The following AP4S1 variants were observed in gnomAD, a reference collection of about 807,000 sequenced individuals.
AP4S1 encodes the protein adaptor related protein complex 4 subunit sigma 1, also known as AP-4 complex subunit sigma-1.
AP4S1 carries 23 observed loss-of-function variants against 19.8 expected under a neutral mutation model. That is an observed-to-expected ratio of 1.16 (90% CI 0.84 to 1.65). The LOEUF is 1.65. Among genes scored for constraint, AP4S1 ranks in the 40% most tolerant of loss-of-function variants. The pLI, the probability that AP4S1 is intolerant of heterozygous loss-of-function variation, is 0.00. For synonymous variants in AP4S1, 46 were observed against 54.1 expected (o/e 0.85, Z 0.66); for missense variants, 166 against 172.8 (o/e 0.96, Z 0.22).
At chr14:31,058,310 T>C (rs1886236159) in intron 1 of AP4S1, among the ~76,000 whole-genome samples, 1 of 152,170 alleles carries the variant, frequency 6.6e-6, no homozygotes, top group East Asian at 1.9e-4. Context: ...CTTGTTTGAT[T>C]CCTGCTCTAA....
At chr14:31,052,372 A>G (rs1356647588) in intron 1 of AP4S1, among the ~76,000 whole-genome samples, 1 of 152,078 alleles carries the variant, frequency 6.6e-6, no homozygotes, top group East Asian at 1.9e-4. Context: ...ATTTTTATGC[A>G]TATAGATTTT....
intron 1 of AP4S1, among the ~76,000 whole-genome samples, chr14:31,049,283 G>A (rs1275156593): frequency 2.7e-5 from 4 of 150,146 alleles, no homozygotes; most frequent in South Asian, 4.2e-4. Flanking sequence ...GCGTGGTGGC[G>A]GGTGCCTGTA....
At chr14:31,075,841 G>A (rs1887326164) in intron 4 of AP4S1, among the ~76,000 whole-genome samples, 1 of 150,982 alleles carries the variant, frequency 6.6e-6, no homozygotes, top group Admixed American at 6.6e-5. Flanking sequence ...CCAGGTTCAA[G>A]CAATTCTCCT....
In AP4S1 at chr14:31,034,850, C is replaced by T. The variant is rs941728887; in HGVS notation, c.-72+9063C>T. On this transcript the variant is annotated intron_variant, in intron 1 of 5. Transcript: ENST00000542754. ...CCATATTGGCCAGGCTGGTCTCAAACTCCCGACCTCAGGTGATCCACCTGC... is the reference window on the plus strand; with the variant it reads ...CCATATTGGCCAGGCTGGTCTCAAATTCCCGACCTCAGGTGATCCACCTGC... Among the ~76,000 whole-genome samples the T allele has an allele frequency of 4.6e-5, 7 of 151,350 alleles. No homozygotes were observed. The South Asian group carries it at 6.3e-4, about 14-fold the overall frequency.
Position 31,069,884 on chromosome 14 carries a change from G to A in AP4S1, c.180G>A (p.Arg60=), listed in dbSNP as rs1252944335. The A allele has an allele frequency of 6.2e-6, 10 of 1,613,472 alleles. No homozygotes were observed. Among genetic ancestry groups the A allele is most frequent in the Non-Finnish European group, 8.5e-6 (10 of 1,179,556 alleles). The change falls in exon 3 of 6, where the codon CGG becomes CGA. Residue 60 remains arginine, a synonymous_variant. Transcript: ENST00000542754. ...ATAAGGATTTTAAGCTGATATATCG[G>A]CAGTATGCAGCTCTCTTCATTGTGG... is the stretch of plus-strand genomic sequence containing the variant. ...IEYKDFKLIY[R]QYAALFIVVG...
At chr14:31,073,316 C>T (rs1887137103) in intron 4 of AP4S1, 5 of 229,384 alleles carry the variant, frequency 2.2e-5, no homozygotes, top group Non-Finnish European at 4.4e-5. Context: ...CGGTGAAACC[C>T]CGTCTCTACT....
At chr14:31,088,754 G>A (rs1010999474) in intron 5 of AP4S1, among the ~76,000 whole-genome samples, 1 of 139,860 alleles carries the variant, frequency 7.2e-6, no homozygotes, top group Non-Finnish European at 1.5e-5. Context: ...GTTACAGTGA[G>A]CCAAGATTGC....
chr14:31,070,681 A>G (rs1886950963), intron 3 of AP4S1, among the ~76,000 whole-genome samples: 1 of 152,190 alleles, frequency 6.6e-6, no homozygotes, highest in South Asian at 2.1e-4. Context: ...GTTGTAAGCA[A>G]TACCAGTGCC....
At chr14:31,027,860 A>G (rs936659788) in intron 1 of AP4S1, among the ~76,000 whole-genome samples, 3 of 152,214 alleles carry the variant, frequency 2.0e-5, no homozygotes, top group Non-Finnish European at 2.9e-5. Context: ...ACATAAGGAA[A>G]TTAGGTTCAG....
At chr14:31,052,390 C>G (rs779757510) in intron 1 of AP4S1, among the ~76,000 whole-genome samples, 1 of 151,814 alleles carries the variant, frequency 6.6e-6, no homozygotes, top group Admixed American at 6.6e-5. Flanking sequence ...TTTAATTATA[C>G]CTTAGGATAA....
chr14:31,079,763 T>A (rs970911863), intron 4 of AP4S1, among the ~76,000 whole-genome samples: 5 of 151,856 alleles, frequency 3.3e-5, no homozygotes, highest in African/African-American at 1.2e-4. Flanking sequence ...GAAGTGGAGG[T>A]TGTAATGAAC....
intron 1 of AP4S1, among the ~76,000 whole-genome samples, chr14:31,045,548 TG>T (rs1885348859): frequency 6.6e-6 from 1 of 152,156 alleles, no homozygotes; most frequent in African/African-American, 2.4e-5. Context: ...ATGCCATGAT[TG>T]TAAGTTTGCG....
At chr14:31,031,652 C>G (rs1479435734) in intron 1 of AP4S1, among the ~76,000 whole-genome samples, 1 of 152,198 alleles carries the variant, frequency 6.6e-6, no homozygotes, top group Non-Finnish European at 1.5e-5. Flanking sequence ...TGATGACACT[C>G]TGGAGAGAGC....
chr14:31,073,012 C>T lies in AP4S1; in HGVS notation c.294+39C>T, dbSNP rs1258688068. The T allele has an allele frequency of 2.0e-6, 3 of 1,493,928 alleles. No homozygotes were observed. In the African/African-American group the frequency reaches 4.1e-5, roughly 21 times the overall value. 92.5% of individuals were successfully genotyped at this position (1,493,928 alleles called of 1,614,324 possible). ...CTAAAAAATGGTTTACTTCCTCAAC[C>T]CAGTTTCCCAGAAATTGAGTCTCTT... is the stretch of plus-strand genomic sequence containing the variant. On this transcript the variant is annotated intron_variant, in intron 4 of 5. Transcript: ENST00000542754.
intron 2 of AP4S1, 121 bp downstream of exon 2, chr14:31,066,455 A>G: frequency 7.6e-7 from 1 of 1,322,462 alleles, no homozygotes; most frequent in Non-Finnish European, 1.1e-6. Context: ...CTACTAAAGA[A>G]AATAAGTGAT....
At chr14:31,085,235 G>A in intron 5 of AP4S1, 5 of 1,056,236 alleles carry the variant, frequency 4.7e-6, no homozygotes, top group Non-Finnish European at 5.7e-6. Flanking sequence ...GAATTTATAA[G>A]GTCCCTAGAT....
chr14:31,068,012 G>A (rs906327263), intron 2 of AP4S1, among the ~76,000 whole-genome samples: 1 of 151,844 alleles, frequency 6.6e-6, no homozygotes, highest in African/African-American at 2.4e-5. Flanking sequence ...GGGATTACAG[G>A]CATGTGCCAC....
chr14:31,062,600 A>G (rs1886498802), intron 1 of AP4S1, among the ~76,000 whole-genome samples: 1 of 152,216 alleles, frequency 6.6e-6, no homozygotes, highest in South Asian at 2.1e-4. Flanking sequence ...CTAGTTTAAT[A>G]TACTTGCATT....
rs1360795881 is a variant in AP4S1, at chr14:31,095,208, A to G, written c.*2173A>G. On this transcript the variant is annotated 3_prime_UTR_variant, in exon 6 of 6. Coordinates refer to ENST00000542754, the MANE Select transcript of AP4S1 (RefSeq NM_001128126.3). ...GGCCCTGCCTCAAAAACACAAAAAC[A>G]AAACAAAAAAACTTTTATAACATGT... 6.6e-6 allele frequency: 1 copy of G among 152,252 alleles called. No homozygotes were observed. Among genetic ancestry groups the G allele is most frequent in the Non-Finnish European group, 1.5e-5 (1 of 68,062 alleles). 9.4% of individuals were successfully genotyped at this position (152,252 alleles called of 1,614,324 possible). A position where few individuals can be genotyped will look rare whatever the true frequency, so the allele number is the denominator to read the frequency against.
Sources: allele counts gnomAD v4.1 joint callset (sites outside exome capture counted in the v4.1 genomes callset), GRCh38; gene constraint gnomAD v4.1.1; transcripts MANE v1.5; gene names NCBI Gene and HGNC (gene_info 2026-07-23, HGNC 2026-07-21).